FRMPD4: variants seen among roughly 807,000 people sequenced by gnomAD.
The protein encoded by FRMPD4 is FERM and PDZ domain containing 4, also known as FERM and PDZ domain-containing protein 4.
FRMPD4 carries 22 observed loss-of-function variants against 94.1 expected under a neutral mutation model. The observed-to-expected ratio is 0.23, with a 90% confidence interval of 0.17 to 0.33. The LOEUF is 0.33. Among genes scored for constraint, FRMPD4 ranks in the 10% least tolerant of loss-of-function variants. The pLI, the probability that FRMPD4 is intolerant of heterozygous loss-of-function variation, is 1.00. For missense variants in FRMPD4, 1,111 were observed against 1,339.9 expected (o/e 0.83, Z 2.67); for synonymous variants, 631 against 548.6 (o/e 1.15, Z -2.10).
intron 5 of FRMPD4, among the ~76,000 whole-genome samples, chrX:12,682,113 A>T (rs1453655179): frequency 8.9e-6 from 1 of 112,429 alleles, no homozygotes. Flanking sequence ...AGGTTCATCC[A>T]TGTTGTAGCA....
At chrX:11,824,217 T>C (rs924072396) in intron 1 of FRMPD4, among the ~76,000 whole-genome samples, 1 of 104,942 alleles carries the variant, frequency 9.5e-6, no homozygotes, top group Non-Finnish European at 2.0e-5. Flanking sequence ...AGAGTAGGTG[T>C]GTGGGTAACA....
intron 1 of FRMPD4, among the ~76,000 whole-genome samples, chrX:12,482,918 G>A (rs1369677057): frequency 8.9e-6 from 1 of 111,878 alleles, no homozygotes; most frequent in Non-Finnish European, 1.9e-5. Context: ...ATATTGAGCA[G>A]AGCAAATTGA....
rs1440148024 is a variant in FRMPD4, at chrX:12,723,960, G to C, written c.*2102G>C. On this transcript the variant is annotated 3_prime_UTR_variant, in exon 17 of 17. Coordinates refer to ENST00000675598, the MANE Select transcript of FRMPD4 (RefSeq NM_001368397.1). ...TTTTGAGTAAAAATGTGTATGTAAAGTTCTTACCACAATACCTGGCAGAGA... is the reference window on the plus strand; with the variant it reads ...TTTTGAGTAAAAATGTGTATGTAAACTTCTTACCACAATACCTGGCAGAGA... 1 of 111,919 alleles carries C rather than the reference G, an allele frequency of 8.9e-6. No individual in the cohort carries two copies. The highest frequency in any genetic ancestry group is 1.9e-5 in the Non-Finnish European group (1 of 53,197). 9.2% of individuals were successfully genotyped at this position (111,919 alleles called of 1,213,427 possible). A position where few individuals can be genotyped will look rare whatever the true frequency, so the allele number is the denominator to read the frequency against.
At chrX:12,416,609 T>C (rs1271426710) in intron 1 of FRMPD4, among the ~76,000 whole-genome samples, 3 of 112,392 alleles carry the variant, frequency 2.7e-5, no homozygotes, top group East Asian at 2.8e-4. Flanking sequence ...CAAGTTGTGA[T>C]TTTCAAAAAC....
chrX:12,003,048 A>G lies in FRMPD4; in HGVS notation c.95+125030A>G, dbSNP rs769960358. On this transcript the variant is annotated intron_variant, in intron 3 of 18. Transcript: ENST00000640291. ...CTACTCTAGAAGCTGCTCTGGCATT[A>G]AGCTACTCATAGCACACCCCCATTC... Among the ~76,000 whole-genome samples, 7 of 111,435 alleles carry G rather than the reference A, an allele frequency of 6.3e-5. No homozygotes were observed. The South Asian group carries it at 2.7e-3, about 42-fold the overall frequency.
At chrX:12,378,392 C>T (rs995761910) in intron 1 of FRMPD4, among the ~76,000 whole-genome samples, 6 of 112,460 alleles carry the variant, frequency 5.3e-5, no homozygotes, top group Non-Finnish European at 7.5e-5. Flanking sequence ...CAGCAGTGTT[C>T]GCTTGCTCTC....
intron 3 of FRMPD4, among the ~76,000 whole-genome samples, chrX:11,921,875 G>A (rs1359306571): frequency 8.9e-6 from 1 of 112,212 alleles, no homozygotes; most frequent in African/African-American, 3.2e-5. Context: ...CTTAGTTACA[G>A]TATGATGCAG....
chrX:12,591,915 G>C (rs2058986188), intron 2 of FRMPD4, among the ~76,000 whole-genome samples: 1 of 111,369 alleles, frequency 9.0e-6, no homozygotes, highest in Non-Finnish European at 1.9e-5. Context: ...CAGAAGCAAG[G>C]TCTCTCTGAC....
chrX:12,701,067 CTTTTTTTTTTTTTT>C (rs34465193), intron 9 of FRMPD4, among the ~76,000 whole-genome samples: 1 of 56,586 alleles, frequency 1.8e-5, no homozygotes. Flanking sequence ...GTTTTGGCTT[CTTTTTTTTTTTTTT>C]TTTTTTTTTT....
intron 4 of FRMPD4, among the ~76,000 whole-genome samples, chrX:12,661,915 A>G (rs1356971827): frequency 8.9e-6 from 1 of 112,259 alleles, no homozygotes; most frequent in Non-Finnish European, 1.9e-5. Flanking sequence ...CTTTGCCAGC[A>G]ATTGACTAGG....
chrX:12,403,056 G>A (rs1305409629), intron 1 of FRMPD4, among the ~76,000 whole-genome samples: 1 of 111,465 alleles, frequency 9.0e-6, no homozygotes, highest in Non-Finnish European at 1.9e-5. Context: ...CTGCTCTTTG[G>A]GCTTCAGTGC....
At chrX:12,596,456 A>C (rs769239014) in intron 2 of FRMPD4, among the ~76,000 whole-genome samples, 6 of 111,179 alleles carry the variant, frequency 5.4e-5, no homozygotes, top group Non-Finnish European at 9.4e-5. Context: ...TAATCTTGGA[A>C]GACAGTGCTC....
At chrX:11,861,633 T>C (rs1264766142) in intron 1 of FRMPD4, among the ~76,000 whole-genome samples, 4 of 111,396 alleles carry the variant, frequency 3.6e-5, no homozygotes. Flanking sequence ...AGGTCTACTA[T>C]AGAGATAAAA....
intron 1 of FRMPD4, among the ~76,000 whole-genome samples, chrX:12,258,147 C>T (rs763532711): frequency 9.0e-6 from 1 of 111,026 alleles, no homozygotes; most frequent in African/African-American, 3.3e-5. Context: ...TTTGCTTTAT[C>T]TTTTAAACTG....
chrX:12,435,373 T>A (rs1355350506), intron 1 of FRMPD4, among the ~76,000 whole-genome samples: 2 of 112,071 alleles, frequency 1.8e-5, no homozygotes, highest in African/African-American at 3.2e-5. Flanking sequence ...CAATATATAC[T>A]GTATATTCAG....
intron 2 of FRMPD4, among the ~76,000 whole-genome samples, chrX:12,584,755 T>A (rs766123062): frequency 9.0e-6 from 1 of 111,616 alleles, no homozygotes; most frequent in East Asian, 2.8e-4. Context: ...AGGTGAGGGG[T>A]TGCATTTCAG....
intron 1 of FRMPD4, among the ~76,000 whole-genome samples, chrX:12,428,673 G>A (rs1252390048): frequency 1.8e-5 from 2 of 111,557 alleles, no homozygotes; most frequent in Non-Finnish European, 3.8e-5. Flanking sequence ...AGGAGTGCAT[G>A]GCTGTAATAT....
intron 3 of FRMPD4, among the ~76,000 whole-genome samples, chrX:11,916,449 A>G (rs2054025460): frequency 9.0e-6 from 1 of 111,100 alleles, no homozygotes; most frequent in Non-Finnish European, 1.9e-5. Flanking sequence ...AAAAAGGGGG[A>G]TAATGAAATC....
intron 2 of FRMPD4, among the ~76,000 whole-genome samples, chrX:12,597,719 A>G (rs2059044900): frequency 8.9e-6 from 1 of 112,594 alleles, no homozygotes; most frequent in South Asian, 3.6e-4. Context: ...TTTAGAAATT[A>G]TCTTCTAAAA....
Sources: allele counts gnomAD v4.1 joint callset (sites outside exome capture counted in the v4.1 genomes callset), GRCh38; gene constraint gnomAD v4.1.1; transcripts MANE v1.5; gene names NCBI Gene and HGNC (gene_info 2026-07-23, HGNC 2026-07-21).